Variants in MAN2B2 observed in about 807,000 individuals in gnomAD.
The protein encoded by MAN2B2 is mannosidase alpha class 2B member 2, also known as epididymis-specific alpha-mannosidase.
Under a neutral mutation model 117.1 loss-of-function variants are expected in MAN2B2, and 106 were observed. The observed-to-expected ratio is 0.90, with a 90% CI of 0.77 to 1.06. The LOEUF is 1.06. MAN2B2 is among the 50% of genes least tolerant of loss of function. MAN2B2 has a pLI of 0.00. For missense variants in MAN2B2, 1,326 were observed against 1,381.4 expected (o/e 0.96, Z 0.64); for synonymous variants, 544 against 595.1 (o/e 0.91, Z 1.25).
intron 7 of MAN2B2, among the ~76,000 whole-genome samples, chr4:6,595,149 G>A (rs565538403): frequency 1.3e-5 from 2 of 152,306 alleles, no homozygotes; most frequent in South Asian, 4.1e-4. Flanking sequence ...CACCTCCTGT[G>A]CATCATGCCT....
chr4:6,577,039 G>T (rs995949411), intron 2 of MAN2B2, among the ~76,000 whole-genome samples: 12 of 152,162 alleles, frequency 7.9e-5, no homozygotes, highest in Admixed American at 2.0e-4. Context: ...GGCATCCCAG[G>T]TGTCCCCAAG....
chr4:6,577,200 G>C (rs1281826345), intron 2 of MAN2B2, among the ~76,000 whole-genome samples: 1 of 152,318 alleles, frequency 6.6e-6, no homozygotes, highest in African/African-American at 2.4e-5. Context: ...CCGCTGCACA[G>C]TGAGGCAGCC....
chr4:6,610,890 C>T lies in MAN2B2; in HGVS notation c.2270C>T (p.Pro757Leu), dbSNP rs763398843. The change falls in exon 14 of 19, where the codon CCC (proline) becomes CTC (leucine). Residue 757 changes from proline (P) to leucine (L), a missense_variant. Transcript: ENST00000285599. ...VNNSIARNYY[P>L]MVQSAFMEDG... is the part of the protein sequence containing the mutation. Reference sequence around the variant, plus strand: ...TGTTTCTGTCTGCAGAATTACTACCCCATGGTTCAGTCGGCCTTCATGGAG... The same window carrying T: ...TGTTTCTGTCTGCAGAATTACTACCTCATGGTTCAGTCGGCCTTCATGGAG... 6.2e-6 allele frequency: 10 copies of T among 1,614,086 alleles called. No homozygotes were observed. Among genetic ancestry groups the T allele is most frequent in the Non-Finnish European group, 8.5e-6 (10 of 1,180,030 alleles).
At chr4:6,617,672 G>T (rs1711952164) in intron 17 of MAN2B2, 180 bp downstream of exon 17, 3 of 1,189,612 alleles carry the variant, frequency 2.5e-6, no homozygotes, top group Non-Finnish European at 3.4e-6. Context: ...AACTGGCCTG[G>T]TTTTTTAGGG....
rs375473664 is a variant in MAN2B2, at chr4:6,576,706, G to A, written c.267G>A (p.Ser89=). The A allele has an allele frequency of 3.1e-5, 50 of 1,613,742 alleles. No individual in the cohort carries two copies. The highest frequency in any genetic ancestry group is 2.0e-4 in the East Asian group (9 of 44,882). ...GGCTGTGGTGGGATGGCGTCGCCTC[G>A]GACCAGCAGAAATACCAGGTAATGA... The part of the protein sequence containing the change: ...FFRLWWDGVA[S]DQQKYQVRQL... Residue 89 remains serine, a synonymous_variant, in exon 2 of 19, where the codon TCG becomes TCA. Coordinates refer to ENST00000285599, the MANE Select transcript of MAN2B2 (RefSeq NM_015274.3).
chr4:6,587,885 G>T (rs1281589165), intron 4 of MAN2B2, among the ~76,000 whole-genome samples: 1 of 151,198 alleles, frequency 6.6e-6, no homozygotes, highest in Non-Finnish European at 1.5e-5. Context: ...CTCTCAAGTA[G>T]CTGGGATTAC....
At chr4:6,605,554 A>G (rs770335118) in intron 11 of MAN2B2, among the ~76,000 whole-genome samples, 3 of 152,234 alleles carry the variant, frequency 2.0e-5, no homozygotes, top group Non-Finnish European at 2.9e-5. Context: ...ATCCATAGAA[A>G]AAAATGAGCA....
chr4:6,605,292 G>A lies in MAN2B2; in HGVS notation c.1777G>A (p.Asp593Asn), dbSNP rs543092459. The A allele has an allele frequency of 9.9e-6, 16 of 1,613,534 alleles. No individual in the cohort carries two copies. The highest frequency in any genetic ancestry group is 1.3e-5 in the African/African-American group (1 of 75,054). Residue 593 changes from aspartate (D) to asparagine (N), a missense_variant, in exon 11 of 19, where the codon GAC (aspartate) becomes AAC (asparagine). Coordinates refer to ENST00000285599, the MANE Select transcript of MAN2B2 (RefSeq NM_015274.3). ...AAACGACTGCTACATTGTGCTGCTC[G>A]ACCAGGATACCAACCTGATGCACAG... ...VANDCYIVLL[D>N]QDTNLMHSIW...
At chr4:6,614,086 G>T in intron 15 of MAN2B2, 132 bp from the exon 16 acceptor site, 2 of 1,147,114 alleles carry the variant, frequency 1.7e-6, no homozygotes, top group Non-Finnish European at 2.5e-6. Flanking sequence ...GGCTGGTGCG[G>T]GGTAGGCTAC....
At position 6,611,184 on chromosome 4, in the gene MAN2B2, TC is replaced by T; in HGVS notation, c.2470del (p.Leu824CysfsTer46). 6.2e-7 allele frequency: 1 copy of T among 1,613,960 alleles called. No homozygotes were observed. The highest frequency in any genetic ancestry group is 8.5e-7 in the Non-Finnish European group (1 of 1,180,026). On this transcript the variant is annotated frameshift_variant, in exon 15 of 19. Transcript: ENST00000285599. LOFTEE classifies it high-confidence loss of function. ...CAGTCGTCCACCCAGTGCTCTGGCTTCTGCTGGGATCCTGGTCCCTCACCAC... is the reference window on the plus strand; with the variant it reads ...CAGTCGTCCACCCAGTGCTCTGGCTTTGCTGGGATCCTGGTCCCTCACCAC... ...TSVVHPVLWL[L>X]LGSWSLTTAL...
At position 6,575,202 on chromosome 4, in the gene MAN2B2, G is replaced by A; in HGVS notation, c.-9G>A. 2 of 1,431,508 alleles carry A rather than the reference G, an allele frequency of 1.4e-6. No homozygotes were observed. The highest frequency in any genetic ancestry group is 1.9e-6 in the Non-Finnish European group (2 of 1,057,756). 88.7% of individuals were successfully genotyped at this position (1,431,508 alleles called of 1,614,324 possible). The stretch of plus-strand genomic sequence containing the variant: ...AGTGGGCCTGGCACCTTCCCGGCCT[G>A]CCGCAGGGATGGGGCAGCTGTGCTG... On this transcript the variant is annotated 5_prime_UTR_variant, in exon 1 of 19. Transcript: ENST00000285599.
intron 2 of MAN2B2, among the ~76,000 whole-genome samples, chr4:6,577,661 C>G (rs1239624122): frequency 1.3e-5 from 2 of 152,226 alleles, no homozygotes; most frequent in Admixed American, 1.3e-4. Context: ...ATGCCTGACT[C>G]GAGGCAGGCC....
At chr4:6,585,465 G>A (rs1726594961) in intron 3 of MAN2B2, among the ~76,000 whole-genome samples, 1 of 152,150 alleles carries the variant, frequency 6.6e-6, no homozygotes, top group Non-Finnish European at 1.5e-5. Flanking sequence ...TACAAGTCTG[G>A]GGTTTTCTTT....
chr4:6,620,585 T>G lies in MAN2B2; in HGVS notation c.2932+541T>G, dbSNP rs559109931. On this transcript the variant is annotated intron_variant, in intron 18 of 18. Transcript: ENST00000285599. ...CCTCCACTCTCCTGGCCCCAGGGGT[T>G]TCTTCTGTCCTGTGCAGCTCGTTGT... 25 of 168,178 alleles carry G rather than the reference T, an allele frequency of 1.5e-4. No homozygotes were observed. In the South Asian group the frequency reaches 3.6e-3, roughly 24 times the overall value. 10.4% of individuals were successfully genotyped at this position (168,178 alleles called of 1,614,324 possible). A position where few individuals can be genotyped will look rare whatever the true frequency, so the allele number is the denominator to read the frequency against.
intron 5 of MAN2B2, 84 bp from the exon 6 acceptor site, chr4:6,593,089 G>C: frequency 1.5e-6 from 2 of 1,342,366 alleles, no homozygotes. Context: ...AGGTCCCAAG[G>C]CTGGGAGAAC....
intron 15 of MAN2B2, 54 bp downstream of exon 15, chr4:6,611,332 C>A: frequency 6.6e-7 from 1 of 1,518,980 alleles, no homozygotes. Context: ...ACCAGCCAGG[C>A]CAGGGCGGGC....
intron 3 of MAN2B2, among the ~76,000 whole-genome samples, chr4:6,579,352 C>T (rs1039214719): frequency 1.0e-4 from 11 of 107,960 alleles, no homozygotes; most frequent in East Asian, 3.6e-4. Context: ...ATCACCATCA[C>T]CACCACCATC....
At chr4:6,580,581 CCCT>C (rs1375699302) in intron 3 of MAN2B2, among the ~76,000 whole-genome samples, 5 of 152,194 alleles carry the variant, frequency 3.3e-5, no homozygotes, top group African/African-American at 1.2e-4. Flanking sequence ...TCATTCTCCA[CCCT>C]CCTCCTCAAG....
intron 3 of MAN2B2, among the ~76,000 whole-genome samples, chr4:6,581,450 C>T (rs1451893271): frequency 6.6e-6 from 1 of 152,128 alleles, no homozygotes; most frequent in East Asian, 1.9e-4. Context: ...GGCCTGGGCT[C>T]TTTCCTTAAC....
Sources: allele counts gnomAD v4.1 joint callset (sites outside exome capture counted in the v4.1 genomes callset), GRCh38; gene constraint gnomAD v4.1.1; transcripts MANE v1.5; gene names NCBI Gene and HGNC (gene_info 2026-07-23, HGNC 2026-07-21).